The following FNBP4 variants were observed in gnomAD, a reference collection of about 807,000 sequenced individuals.
FNBP4 encodes the protein formin binding protein 4.
In FNBP4, 34 loss-of-function variants were observed where a neutral mutation model predicts 119.3. The observed-to-expected ratio is 0.28, with a 90% CI of 0.22 to 0.38. FNBP4 has a LOEUF of 0.38. FNBP4 is among the 10% of genes least tolerant of loss of function. The pLI is 1.00. For synonymous variants in FNBP4, 462 were observed against 430.6 expected (o/e 1.07, Z -0.90); for missense variants, 1,112 against 1,228.9 (o/e 0.90, Z 1.42).
rs1190263127 is a variant in FNBP4, at chr11:47,728,818, T to C, written c.2008+2556A>G. Among the ~76,000 whole-genome samples the C allele has an allele frequency of 2.0e-5, 3 of 149,352 alleles. No homozygotes were observed. In the South Asian group the frequency reaches 6.4e-4, roughly 32 times the overall value. On this transcript the variant is annotated intron_variant, in intron 12 of 16. Coordinates refer to ENST00000263773, the MANE Select transcript of FNBP4 (RefSeq NM_015308.5). ...TGCTGGAATTACAGGCATGAGTCAC[T>C]GCACCTAAGAACCTTGCTTCTGTAG...
chr11:47,737,158 T>G (rs1397706988), intron 8 of FNBP4, among the ~76,000 whole-genome samples: 1 of 152,018 alleles, frequency 6.6e-6, no homozygotes, highest in East Asian at 1.9e-4. Context: ...GCCACTGTAC[T>G]CCAGCCTGGG....
In FNBP4 at chr11:47,754,599, G is replaced by C; in HGVS notation, c.379C>G (p.Leu127Val). The part of the protein sequence containing the change: ...DDDDNDVSEK[L>V]AQSKETNGNQ... ...CCATTTGTCTCTTTGGATTGTGCTA[G>C]TTTTTCGGAAACATCATTGTCATCG... is the stretch of plus-strand genomic sequence containing the variant. Residue 127 changes from leucine to valine, a missense_variant, in exon 3 of 17, where the codon CTA (leucine) becomes GTA (valine). Physicochemically the swap from Leu to Val is conservative, Grantham distance 32. This residue lies in a region of FNBP4 where 286 missense variants were observed against 240.1 expected (regional missense o/e 1.19). Transcript: ENST00000263773. 6.2e-7 allele frequency: 1 copy of C among 1,614,126 alleles called. No homozygotes were observed.
At chr11:47,744,286 T>G in intron 7 of FNBP4, 123 bp from the exon 8 acceptor site, 1 of 906,762 alleles carries the variant, frequency 1.1e-6, no homozygotes, top group Non-Finnish European at 1.7e-6. Context: ...CACTTTTTTT[T>G]TTTTGGAGAC....
At position 47,724,133 on chromosome 11, in the gene FNBP4, T is replaced by C. The variant is rs776553642; in HGVS notation, c.2359A>G (p.Lys787Glu). 7.4e-6 allele frequency: 12 copies of C among 1,614,070 alleles called. No homozygotes were observed. The highest frequency in any genetic ancestry group is 1.7e-6 in the Non-Finnish European group (2 of 1,180,024). ...DSTISSSSST[K>E]GIKRKATEIS... is the part of the protein sequence containing the mutation. The stretch of plus-strand genomic sequence containing the variant: ...TCTGTAGCTTTCCTCTTTATTCCTT[T>C]AGTGGAAGAAGAACTAGAGATGGTG... The change falls in exon 14 of 17, where the codon AAA becomes GAA. Residue 787 changes from lysine (K) to glutamate (E), a missense_variant. Around this residue, in one of 2 missense-constraint regions of FNBP4, gnomAD observed 826 missense variants for 988.8 expected, o/e 0.84. Transcript: ENST00000263773.
Position 47,748,070 on chromosome 11 carries a change from G to A in FNBP4, c.907-1676C>T, listed in dbSNP as rs141455489. ...AGCCTGGCCAATATGGTGAAACCCC[G>A]TCTCTACTAAACTACAAAAATTAGC... On this transcript the variant is annotated intron_variant, in intron 6 of 16. Coordinates refer to ENST00000263773, the MANE Select transcript of FNBP4 (RefSeq NM_015308.5). Among the ~76,000 whole-genome samples, 634 of 150,048 alleles carry A rather than the reference G, an allele frequency of 4.2e-3. 16 individuals are homozygous for A. The highest frequency in any genetic ancestry group is 0.037 in the Admixed American group (555 of 14,980).
At chr11:47,758,971 T>G (rs1395030709) in intron 2 of FNBP4, among the ~76,000 whole-genome samples, 1 of 149,898 alleles carries the variant, frequency 6.7e-6, no homozygotes, top group Admixed American at 6.7e-5. Flanking sequence ...CAGGCTGGAG[T>G]GCAGTGGCAC....
chr11:47,748,343 A>T, intron 6 of FNBP4, among the ~76,000 whole-genome samples: 1 of 151,866 alleles, frequency 6.6e-6, no homozygotes, highest in South Asian at 2.1e-4. Flanking sequence ...TGCTTCTCCC[A>T]TTGGGGTAAC....
chr11:47,741,022 G>A (rs887674839), intron 8 of FNBP4, among the ~76,000 whole-genome samples: 1 of 149,338 alleles, frequency 6.7e-6, no homozygotes, highest in Non-Finnish European at 1.5e-5. Flanking sequence ...CCAAGTAGCC[G>A]CCACGCCCAG....
At chr11:47,765,067 A>C (rs1003129374) in intron 2 of FNBP4, among the ~76,000 whole-genome samples, 1 of 152,174 alleles carries the variant, frequency 6.6e-6, no homozygotes, top group African/African-American at 2.4e-5. Flanking sequence ...GTTTTGGGTA[A>C]AGAAAAACAA....
chr11:47,766,048 T>C (rs2097647181), intron 1 of FNBP4, among the ~76,000 whole-genome samples: 1 of 151,808 alleles, frequency 6.6e-6, no homozygotes, highest in Admixed American at 6.6e-5. Flanking sequence ...AAATAAAAAT[T>C]ATTAATACAT....
At position 47,751,159 on chromosome 11, in the gene FNBP4, G is replaced by C. The variant is rs148965139; in HGVS notation, c.769C>G (p.Gln257Glu). 5.3e-3 allele frequency: 8,554 copies of C among 1,614,098 alleles called. 28 individuals carry two copies. The highest frequency in any genetic ancestry group is 5.8e-3 in the Non-Finnish European group (6,885 of 1,180,008). The part of the protein sequence containing the change: ...QYLATQVQGL[Q>E]HYQPSSVPGA... ...TATTCTTACCTGGGCTGGTAATGCTGTAATCCCTGTACCTGTGTGGCAAGA... is the reference window on the plus strand; with the variant it reads ...TATTCTTACCTGGGCTGGTAATGCTCTAATCCCTGTACCTGTGTGGCAAGA... The change falls in exon 5 of 17, where the codon CAG becomes GAG. Residue 257 changes from glutamine to glutamate, a missense_variant. Physicochemically the swap from Gln to Glu is conservative, Grantham distance 29. Around this residue, in one of 2 missense-constraint regions of FNBP4, gnomAD observed 826 missense variants for 988.8 expected, o/e 0.84. Coordinates refer to ENST00000263773, the MANE Select transcript of FNBP4 (RefSeq NM_015308.5).
At chr11:47,757,293 C>T (rs1000430264) in intron 2 of FNBP4, among the ~76,000 whole-genome samples, 3 of 152,096 alleles carry the variant, frequency 2.0e-5, no homozygotes, top group Non-Finnish European at 4.4e-5. Context: ...CCGCTCACTA[C>T]AAGCTCTGCC....
chr11:47,725,268 C>A (rs1171759399), intron 12 of FNBP4: 1 of 152,400 alleles, frequency 6.6e-6, no homozygotes, highest in Non-Finnish European at 1.5e-5. Context: ...TGTGCACCTG[C>A]AGTAATTATT....
Position 47,753,082 on chromosome 11 carries a change from A to C in FNBP4, c.471T>G (p.Ala157=). The C allele has an allele frequency of 6.2e-7, 1 of 1,612,716 alleles. No homozygotes were observed. Residue 157 remains alanine, a synonymous_variant, in exon 4 of 17, where the codon GCT becomes GCG. Transcript: ENST00000263773. ...NFLAEIDAIT[A]PQPAAPVGAS... Reference sequence around the variant, plus strand: ...CTCCTACAGGAGCTGCAGGCTGAGGAGCTGTTATGGCATCGATCTCCTTCA... The same window carrying C: ...CTCCTACAGGAGCTGCAGGCTGAGGCGCTGTTATGGCATCGATCTCCTTCA...
intron 16 of FNBP4, among the ~76,000 whole-genome samples, chr11:47,718,088 C>T (rs2097551587): frequency 6.6e-6 from 1 of 151,542 alleles, no homozygotes; most frequent in East Asian, 1.9e-4. Flanking sequence ...CTCCAATAAC[C>T]ATTAAAGGCA....
chr11:47,720,596 A>T (rs1599153888), intron 15 of FNBP4, among the ~76,000 whole-genome samples: 2 of 151,606 alleles, frequency 1.3e-5, no homozygotes, highest in East Asian at 3.9e-4. Flanking sequence ...AAATAAATAA[A>T]TAAAATCTAT....
At position 47,754,586 on chromosome 11, in the gene FNBP4, T is replaced by C. The variant is rs756510936; in HGVS notation, c.392A>G (p.Lys131Arg). Residue 131 changes from lysine (K) to arginine (R), a missense_variant, in exon 3 of 17, where the codon AAA (lysine) becomes AGA (arginine). This residue lies in a region of FNBP4 where 286 missense variants were observed against 240.1 expected (regional missense o/e 1.19). Transcript: ENST00000263773. ...AGTTGACTGGTTTCCATTTGTCTCTTTGGATTGTGCTAGTTTTTCGGAAAC... is the reference window on the plus strand; with the variant it reads ...AGTTGACTGGTTTCCATTTGTCTCTCTGGATTGTGCTAGTTTTTCGGAAAC... ...NDVSEKLAQS[K>R]ETNGNQSTDI... 10 of 1,614,062 alleles carry C rather than the reference T, an allele frequency of 6.2e-6. No individual in the cohort carries two copies. The Admixed American group carries it at 1.5e-4, about 24-fold the overall frequency.
intron 2 of FNBP4, among the ~76,000 whole-genome samples, chr11:47,761,273 A>G (rs2097633760): frequency 6.6e-6 from 1 of 152,218 alleles, no homozygotes; most frequent in African/African-American, 2.4e-5. Context: ...AAACGTTCAC[A>G]TTATCAGGTA....
At chr11:47,729,459 A>G in intron 12 of FNBP4, 3 of 985,416 alleles carry the variant, frequency 3.0e-6, no homozygotes, top group Non-Finnish European at 3.6e-6. Flanking sequence ...TAGAAAAATA[A>G]ATAGAACTTT....
Sources: gnomAD v4.1 joint callset for allele counts (sites outside exome capture counted in the v4.1 genomes callset) on GRCh38, gnomAD v4.1.1 for gene constraint, gnomAD v4.1.1 regional missense constraint, MANE v1.5 for transcripts, NCBI Gene and HGNC (gene_info 2026-07-23, HGNC 2026-07-21) for gene names.